Variants in LCORL observed in about 807,000 individuals in gnomAD.
LCORL encodes ligand dependent nuclear receptor corepressor like, also known as ligand-dependent nuclear receptor corepressor-like protein.
Under a neutral mutation model 141.8 loss-of-function variants are expected in LCORL, and 41 were observed. The observed-to-expected ratio is 0.29, with a 90% CI of 0.23 to 0.38. The LOEUF is 0.38. Among genes scored for constraint, LCORL ranks in the 10% least tolerant of loss-of-function variants. LCORL has a pLI of 1.00. For missense variants in LCORL, 1,759 were observed against 2,035.0 expected, an observed-to-expected ratio of 0.86 and a Z score of 2.61; for synonymous variants, 618 against 694.1, an observed-to-expected ratio of 0.89 and a Z score of 1.72.
At chr4:17,925,307 A>C (rs1219152972) in intron 4 of LCORL, among the ~76,000 whole-genome samples, 1 of 152,184 alleles carries the variant, frequency 6.6e-6, no homozygotes, top group African/African-American at 2.4e-5. Flanking sequence ...ATCCCTTAAG[A>C]CATCTCTTAG....
chr4:18,002,777 A>T (rs1722177341), intron 1 of LCORL, among the ~76,000 whole-genome samples: 1 of 152,176 alleles, frequency 6.6e-6, no homozygotes, highest in Non-Finnish European at 1.5e-5. Context: ...TAATTTTTAA[A>T]ACTCAGCCCA....
intron 7 of LCORL, among the ~76,000 whole-genome samples, chr4:17,858,525 G>C: frequency 6.6e-6 from 1 of 150,966 alleles, no homozygotes. Context: ...AGGAGTTCGA[G>C]ACCAGCCTAA....
chr4:17,958,582 C>T (rs1713151003), intron 4 of LCORL, among the ~76,000 whole-genome samples: 1 of 151,902 alleles, frequency 6.6e-6, no homozygotes. Context: ...ATCAACATTC[C>T]AAACAAACTG....
At chr4:17,955,247 T>C (rs561666394) in intron 4 of LCORL, among the ~76,000 whole-genome samples, 1 of 152,304 alleles carries the variant, frequency 6.6e-6, no homozygotes, top group South Asian at 2.1e-4. Flanking sequence ...CAAACGATGC[T>C]GAAAGGCTAA....
intron 1 of LCORL, among the ~76,000 whole-genome samples, chr4:17,991,962 A>T (rs1173779240): frequency 6.6e-6 from 1 of 152,208 alleles, no homozygotes; most frequent in Non-Finnish European, 1.5e-5. Flanking sequence ...AGACACAGAG[A>T]GTAATGGATA....
At chr4:17,883,431 A>G (rs766065306) in intron 6 of LCORL, 229 of 1,141,040 alleles carry the variant, frequency 2.0e-4, no homozygotes, top group Non-Finnish European at 2.4e-4. Flanking sequence ...ATTGACTACT[A>G]AAGAAAACCT....
chr4:18,006,197 A>C (rs928804107), intron 1 of LCORL, among the ~76,000 whole-genome samples: 3 of 152,316 alleles, frequency 2.0e-5, no homozygotes, highest in South Asian at 2.1e-4. Flanking sequence ...AAATGCTACC[A>C]GTCTGTTTGC....
intron 4 of LCORL, chr4:17,912,221 G>A (rs1056578081): frequency 1.2e-5 from 9 of 751,542 alleles, no homozygotes; most frequent in Non-Finnish European, 1.5e-5. Context: ...CTGGCCGTGC[G>A]CCAGTCTGTG....
chr4:17,849,739 C>A (rs1723397996), intron 7 of LCORL, among the ~76,000 whole-genome samples: 1 of 152,152 alleles, frequency 6.6e-6, no homozygotes, highest in Non-Finnish European at 1.5e-5. Flanking sequence ...CCATCCCCAT[C>A]AAGCTACCAA....
exon 7 of LCORL, chr4:17,877,589 G>C: frequency 8.1e-7 from 1 of 1,230,570 alleles, no homozygotes; most frequent in Non-Finnish European, 1.0e-6. Context: ...CTTCAAGTTT[G>C]TTATTTTCTA....
chr4:17,900,177 T>C (rs889829459), intron 5 of LCORL, among the ~76,000 whole-genome samples: 4 of 152,102 alleles, frequency 2.6e-5, no homozygotes, highest in Non-Finnish European at 4.4e-5. Context: ...ATTTAAAAAG[T>C]GCACTTTTTA....
exon 7 of LCORL, chr4:17,877,745 A>C: frequency 8.1e-7 from 1 of 1,230,684 alleles, no homozygotes; most frequent in Non-Finnish European, 1.0e-6. Flanking sequence ...ACAAAAGAGG[A>C]CTACGAAAGG....
chr4:17,876,212 T>A, exon 7 of LCORL: 1 of 1,230,958 alleles, frequency 8.1e-7, no homozygotes, highest in Non-Finnish European at 1.0e-6. Context: ...CTAAAATAGA[T>A]GACTTTTTCA....
intron 4 of LCORL, among the ~76,000 whole-genome samples, chr4:17,911,350 C>T (rs1387839868): frequency 6.6e-6 from 1 of 152,128 alleles, no homozygotes; most frequent in East Asian, 1.9e-4. Context: ...AAAACCTATG[C>T]ATAGGTTTCA....
chr4:17,888,755 G>C (rs1229792746), intron 5 of LCORL, among the ~76,000 whole-genome samples: 4 of 152,100 alleles, frequency 2.6e-5, no homozygotes, highest in Non-Finnish European at 5.9e-5. Flanking sequence ...AAAGGAGAAA[G>C]AAATGTTTCC....
exon 8 of LCORL, chr4:17,841,987 A>C (rs1164959556): frequency 4.5e-6 from 1 of 222,350 alleles, no homozygotes; most frequent in Non-Finnish European, 9.1e-6. Context: ...GCAATAATAG[A>C]GGTACTTCAT....
chr4:17,932,616 G>C (rs1365948128), intron 4 of LCORL, among the ~76,000 whole-genome samples: 1 of 152,100 alleles, frequency 6.6e-6, no homozygotes, highest in African/African-American at 2.4e-5. Context: ...TTTATTCATT[G>C]CAAGAAATGT....
chr4:17,894,720 G>C (rs1418056696), intron 5 of LCORL, among the ~76,000 whole-genome samples: 1 of 152,112 alleles, frequency 6.6e-6, no homozygotes, highest in Admixed American at 6.6e-5. Flanking sequence ...GAGAGAATGA[G>C]AGTAAAAAGA....
At chr4:17,986,436 G>A (rs1479588855) in intron 1 of LCORL, among the ~76,000 whole-genome samples, 1 of 152,106 alleles carries the variant, frequency 6.6e-6, no homozygotes, top group Non-Finnish European at 1.5e-5. Context: ...CATATTTGTT[G>A]GAGACTTTGT....
Sources: gnomAD v4.1 joint callset for allele counts (sites outside exome capture counted in the v4.1 genomes callset) on GRCh38, gnomAD v4.1.1 for gene constraint, MANE v1.5 for transcripts, NCBI Gene and HGNC (gene_info 2026-07-23, HGNC 2026-07-21) for gene names.